FHIT: variants seen among roughly 807,000 people sequenced by gnomAD.
FHIT encodes bis(5'-adenosyl)-triphosphatase.
Under a neutral mutation model 17.9 loss-of-function variants are expected in FHIT, and 19 were observed. That is an observed-to-expected ratio of 1.06 (90% confidence interval 0.74 to 1.56). The LOEUF is 1.56. FHIT is among the 40% of genes most tolerant of loss of function. FHIT has a pLI of 0.00. For synonymous variants in FHIT, 81 were observed against 69.7 expected, an observed-to-expected ratio of 1.16 and a Z score of -0.81; for missense variants, 248 against 189.2, an observed-to-expected ratio of 1.31 and a Z score of -1.82.
At chr3:60,518,431 T>A (rs950095607) in intron 5 of FHIT, among the ~76,000 whole-genome samples, 1 of 152,222 alleles carries the variant, frequency 6.6e-6, no homozygotes, top group African/African-American at 2.4e-5. Flanking sequence ...ATGTAAAATC[T>A]ATCAACTTGG....
chr3:60,419,230 A>G (rs2107257462), intron 5 of FHIT, among the ~76,000 whole-genome samples: 1 of 152,304 alleles, frequency 6.6e-6, no homozygotes, highest in East Asian at 1.9e-4. Context: ...CGTCTCATAA[A>G]GTTTCGTGAG....
chr3:60,792,249 A>G (rs1700804249), intron 4 of FHIT, among the ~76,000 whole-genome samples: 1 of 152,238 alleles, frequency 6.6e-6, no homozygotes, highest in South Asian at 2.1e-4. Flanking sequence ...GCTATTGATG[A>G]CAGGAGAGGG....
intron 5 of FHIT, among the ~76,000 whole-genome samples, chr3:60,351,595 G>T (rs1454048401): frequency 1.3e-5 from 2 of 152,172 alleles, no homozygotes; most frequent in Non-Finnish European, 2.9e-5. Flanking sequence ...ACAGATAAAA[G>T]CAAAGGATGA....
At chr3:60,308,985 G>A (rs1708813925) in intron 5 of FHIT, among the ~76,000 whole-genome samples, 1 of 152,116 alleles carries the variant, frequency 6.6e-6, no homozygotes, top group African/African-American at 2.4e-5. Flanking sequence ...CACCCAGTAC[G>A]AAAATGGAGT....
At chr3:60,510,090 G>A (rs545203847) in intron 5 of FHIT, among the ~76,000 whole-genome samples, 5 of 152,282 alleles carry the variant, frequency 3.3e-5, no homozygotes, top group South Asian at 2.1e-4. Flanking sequence ...TGAATAAAAT[G>A]TCAGCTTCAG....
chr3:60,128,015 T>A (rs1705637389), intron 5 of FHIT, among the ~76,000 whole-genome samples: 2 of 152,208 alleles, frequency 1.3e-5, no homozygotes, highest in African/African-American at 4.8e-5. Flanking sequence ...TTAAGATTGT[T>A]AAATTTTGCA....
chr3:60,080,614 A>T (rs993688069), intron 5 of FHIT, among the ~76,000 whole-genome samples: 1 of 152,164 alleles, frequency 6.6e-6, no homozygotes, highest in African/African-American at 2.4e-5. Flanking sequence ...AGAATAAAAC[A>T]GGTCTGGCTG....
At chr3:60,131,863 T>G (rs1699610781) in intron 5 of FHIT, among the ~76,000 whole-genome samples, 1 of 152,134 alleles carries the variant, frequency 6.6e-6, no homozygotes, top group African/African-American at 2.4e-5. Context: ...CCTTCCTCAC[T>G]TAAAACCCCT....
intron 4 of FHIT, among the ~76,000 whole-genome samples, chr3:60,747,967 T>C (rs2042392208): frequency 6.6e-6 from 1 of 152,190 alleles, no homozygotes; most frequent in African/African-American, 2.4e-5. Flanking sequence ...ATGTATGTCC[T>C]GGGGATTAAA....
chr3:60,009,161 TTTTATGTGTG>T (rs1181081907), intron 7 of FHIT, among the ~76,000 whole-genome samples: 62 of 71,030 alleles, frequency 8.7e-4, no homozygotes, highest in South Asian at 2.6e-3. Context: ...TTCTCTGGGA[TTTTATGTGTG>T]TGTGTGTGTG....
chr3:60,449,711 T>C lies in FHIT; in HGVS notation c.103+87149A>G, dbSNP rs187400059. Among the ~76,000 whole-genome samples the C allele has an allele frequency of 1.2e-3, 175 of 152,046 alleles. 2 individuals carry two copies. Among genetic ancestry groups the C allele is most frequent in the African/African-American group, 4.2e-3 (174 of 41,496 alleles). ...ACATAAAAAAGATACTATAAAAATA[T>C]GGCACAAAAGGTAGCTGGCGTGGTG... On this transcript the variant is annotated intron_variant, in intron 5 of 9. Coordinates refer to ENST00000492590, the MANE Select transcript of FHIT (RefSeq NM_002012.4).
At chr3:59,978,731 G>A (rs927164978) in intron 7 of FHIT, among the ~76,000 whole-genome samples, 1 of 150,192 alleles carries the variant, frequency 6.7e-6, no homozygotes, top group Non-Finnish European at 1.5e-5. Flanking sequence ...AGGTTTCAAA[G>A]TGTCCCTCCT....
intron 4 of FHIT, among the ~76,000 whole-genome samples, chr3:60,548,477 A>T (rs1202878927): frequency 6.6e-6 from 1 of 152,228 alleles, no homozygotes; most frequent in Non-Finnish European, 1.5e-5. Flanking sequence ...AATGCACCTA[A>T]GAAACCAAGC....
At chr3:60,603,366 C>A in intron 4 of FHIT, among the ~76,000 whole-genome samples, 1 of 152,124 alleles carries the variant, frequency 6.6e-6, no homozygotes, top group East Asian at 1.9e-4. Context: ...ATTGATAAAG[C>A]AGATATATTA....
intron 7 of FHIT, among the ~76,000 whole-genome samples, chr3:60,008,637 A>C (rs1261219426): frequency 6.6e-6 from 1 of 152,206 alleles, no homozygotes; most frequent in Non-Finnish European, 1.5e-5. Flanking sequence ...GGGATCAGGC[A>C]GAATCTCAAG....
chr3:60,802,456 G>A (rs148211755), intron 4 of FHIT, among the ~76,000 whole-genome samples: 7 of 152,136 alleles, frequency 4.6e-5, no homozygotes, highest in African/African-American at 1.2e-4. Context: ...AAAGCAACAC[G>A]TTGCCCTGGC....
intron 3 of FHIT, among the ~76,000 whole-genome samples, chr3:61,016,985 A>C (rs2032146867): frequency 1.3e-5 from 2 of 148,844 alleles, no homozygotes; most frequent in African/African-American, 5.1e-5. Flanking sequence ...TAATGAGAGC[A>C]ACTAAAAATA....
intron 5 of FHIT, among the ~76,000 whole-genome samples, chr3:60,305,230 G>A (rs747830270): frequency 6.6e-6 from 1 of 152,032 alleles, no homozygotes; most frequent in Non-Finnish European, 1.5e-5. Flanking sequence ...AGGAAACACT[G>A]CTCTCCCAAT....
chr3:61,046,907 C>T (rs748357253), intron 2 of FHIT, among the ~76,000 whole-genome samples: 4 of 152,124 alleles, frequency 2.6e-5, no homozygotes, highest in Non-Finnish European at 5.9e-5. Flanking sequence ...GATTATCTGA[C>T]TAGACGCAGA....
Sources: allele counts gnomAD v4.1 joint callset (sites outside exome capture counted in the v4.1 genomes callset), GRCh38; gene constraint gnomAD v4.1.1; transcripts MANE v1.5; gene names NCBI Gene and HGNC (gene_info 2026-07-23, HGNC 2026-07-21).